Variants in REV3L observed in about 807,000 individuals in gnomAD.
REV3L encodes the protein DNA polymerase zeta catalytic subunit.
A neutral mutation model predicts 299.4 loss-of-function variants in REV3L; 69 were observed. The ratio of observed to expected loss-of-function variants is 0.23; its 90% confidence interval spans 0.19 to 0.28. The LOEUF (loss-of-function observed/expected upper bound fraction) is 0.28. REV3L is among the 10% of genes least tolerant of loss of function. The probability of loss-of-function intolerance (pLI) is 1.00; values close to 1 mark genes in which losing one functional copy is unlikely to be tolerated. For missense variants in REV3L, 3,128 were observed against 3,693.8 expected (o/e 0.85, Z 3.97); for synonymous variants, 1,238 against 1,271.4 (o/e 0.97, Z 0.56).
At chr6:111,303,168 T>TCTTTC (rs1554268702) in intron 31 of REV3L, among the ~76,000 whole-genome samples, 2 of 123,216 alleles carry the variant, frequency 1.6e-5, no homozygotes, top group East Asian at 2.3e-4. Context: ...TTTCTTTCTT[T>TCTTTC]TTTTTTTTTT....
chr6:111,306,456 T>C (rs1378952313), intron 31 of REV3L, among the ~76,000 whole-genome samples: 2 of 152,140 alleles, frequency 1.3e-5, no homozygotes, highest in Admixed American at 6.5e-5. Context: ...TAAGGAGTAA[T>C]GATTTTATTG....
chr6:111,309,601 A>G, intron 30 of REV3L: 1 of 331,562 alleles, frequency 3.0e-6, no homozygotes, highest in African/African-American at 2.1e-5. Context: ...GTGGTCTTGG[A>G]AAATGGTAAC....
chr6:111,405,108 T>TAAA (rs879801110), intron 4 of REV3L, among the ~76,000 whole-genome samples: 2 of 144,518 alleles, frequency 1.4e-5, no homozygotes, highest in Admixed American at 1.4e-4. Context: ...GGTCTGAGGT[T>TAAA]AAAAAAAAAA....
At chr6:111,481,064 A>G (rs563574330) in intron 1 of REV3L, among the ~76,000 whole-genome samples, 3 of 152,312 alleles carry the variant, frequency 2.0e-5, no homozygotes, top group South Asian at 2.1e-4. Context: ...AAGCTTGACT[A>G]TCTCTCAGGA....
intron 31 of REV3L, among the ~76,000 whole-genome samples, chr6:111,301,506 A>G (rs1011524162): frequency 7.1e-6 from 1 of 141,672 alleles, no homozygotes; most frequent in Non-Finnish European, 1.6e-5. Context: ...GTAAAATTTC[A>G]AAAAAAAAAA....
At position 111,373,094 on chromosome 6, in the gene REV3L, C is replaced by T. The variant is rs772115275; in HGVS notation, c.5261G>A (p.Arg1754Gln). 1.9e-5 allele frequency: 31 copies of T among 1,613,888 alleles called. No homozygotes were observed. Among genetic ancestry groups the T allele is most frequent in the African/African-American group, 5.3e-5 (4 of 74,864 alleles). ...GAAAGAATCCATTATTGAGTTAGAC[C>T]GAGTTGTTAGAGGATGAAAGCTATT... ...WKNSFHPLTT[R>Q]SNSIMDSFCV... Residue 1754 changes from arginine (R) to glutamine (Q), a missense_variant, in exon 13 of 32, where the codon CGG becomes CAG. Transcript: ENST00000368802.
At chr6:111,352,235 T>C (rs1009400249) in intron 18 of REV3L, among the ~76,000 whole-genome samples, 1 of 152,154 alleles carries the variant, frequency 6.6e-6, no homozygotes, top group Non-Finnish European at 1.5e-5. Flanking sequence ...CTCAGACTAC[T>C]GACTTCCAGT....
intron 22 of REV3L, among the ~76,000 whole-genome samples, 196 bp from the exon 23 acceptor site, chr6:111,333,563 C>T (rs139991762): frequency 0.012 from 1,881 of 152,084 alleles, 45 homozygotes; most frequent in African/African-American, 0.043. Flanking sequence ...CAACCTCCGC[C>T]TCCCAGGTTC....
chr6:111,477,035 T>C (rs1793026639), intron 1 of REV3L, among the ~76,000 whole-genome samples: 1 of 152,236 alleles, frequency 6.6e-6, no homozygotes, highest in African/African-American at 2.4e-5. Context: ...TGTATTTTTT[T>C]CCACACTTTT....
intron 1 of REV3L, among the ~76,000 whole-genome samples, chr6:111,463,442 G>A (rs1438093357): frequency 6.6e-6 from 1 of 152,202 alleles, no homozygotes; most frequent in African/African-American, 2.4e-5. Flanking sequence ...AGATGCTAGT[G>A]ATTATGACAT....
intron 14 of REV3L, among the ~76,000 whole-genome samples, chr6:111,366,693 A>T (rs1460468878): frequency 6.6e-6 from 1 of 152,218 alleles, no homozygotes; most frequent in East Asian, 1.9e-4. Context: ...CTGAGAAATG[A>T]GTAGGAGGTA....
At chr6:111,478,249 T>C (rs903621857) in intron 1 of REV3L, among the ~76,000 whole-genome samples, 7 of 152,232 alleles carry the variant, frequency 4.6e-5, no homozygotes, top group African/African-American at 1.7e-4. Context: ...CTTATACACA[T>C]TTCTATAGTC....
chr6:111,312,363 T>C (rs1773078351), intron 28 of REV3L: 1 of 152,220 alleles, frequency 6.6e-6, no homozygotes, highest in Non-Finnish European at 1.5e-5. Context: ...GTATATAGAA[T>C]GCTATTCCCA....
intron 19 of REV3L, among the ~76,000 whole-genome samples, chr6:111,350,032 A>T (rs1354533338): frequency 1.3e-5 from 2 of 152,220 alleles, no homozygotes; most frequent in East Asian, 3.8e-4. Context: ...TGATGATTAG[A>T]GGTTCCAGAA....
chr6:111,319,863 C>T (rs1300929050), intron 26 of REV3L, among the ~76,000 whole-genome samples: 3 of 150,482 alleles, frequency 2.0e-5, no homozygotes, highest in Non-Finnish European at 4.4e-5. Context: ...GAGTTTTGCT[C>T]TTGTTGCCCA....
chr6:111,331,007 C>T (rs1775321928), intron 24 of REV3L: 9 of 985,198 alleles, frequency 9.1e-6, no homozygotes, highest in Non-Finnish European at 9.6e-6. Context: ...GTGGGGTCCA[C>T]TCTACCATCA....
rs1200861779 is a variant in REV3L at position 111,316,726 on chromosome 6, ATAGT to A, written c.8352-1349_8352-1346del. Reference sequence around the variant, plus strand: ...TTCTGTAATGTATGTTAACTGAAAAATAGTTAGAAAACATAAAAAGACACACGGA... The same window carrying A: ...TTCTGTAATGTATGTTAACTGAAAAATAGAAAACATAAAAAGACACACGGA... On this transcript the variant is annotated intron_variant, in intron 26 of 31. Coordinates refer to ENST00000368802, the MANE Select transcript of REV3L (RefSeq NM_001372078.1). 2.0e-5 allele frequency among the ~76,000 whole-genome samples: 3 copies of A among 152,306 alleles called. No individual in the cohort carries two copies. In the South Asian group the frequency reaches 6.2e-4, roughly 32 times the overall value.
chr6:111,424,797 G>A (rs533001965), intron 1 of REV3L, among the ~76,000 whole-genome samples: 15 of 152,242 alleles, frequency 9.9e-5, no homozygotes, highest in African/African-American at 3.1e-4. Context: ...CCCTATATGC[G>A]GCAGGGTCTT....
chr6:111,370,509 ATTT>A (rs1779694607), intron 13 of REV3L, among the ~76,000 whole-genome samples: 1 of 152,182 alleles, frequency 6.6e-6, no homozygotes, highest in Non-Finnish European at 1.5e-5. Flanking sequence ...AAAAAAATAA[ATTT>A]TATTGTGTAT....
Sources: gnomAD v4.1 joint callset for allele counts (sites outside exome capture counted in the v4.1 genomes callset) on GRCh38, gnomAD v4.1.1 for gene constraint, MANE v1.5 for transcripts, NCBI Gene and HGNC (gene_info 2026-07-23, HGNC 2026-07-21) for gene names.